Variants in EPHB1 observed in about 807,000 individuals in gnomAD.
EPHB1 encodes EPH receptor B1, also known as ephrin type-B receptor 1.
EPHB1 carries 30 observed loss-of-function variants against 94.4 expected under a neutral mutation model. The ratio of observed to expected loss-of-function variants is 0.32; its 90% CI spans 0.24 to 0.43. The LOEUF (loss-of-function observed/expected upper bound fraction) is 0.43, where lower values mean the gene tolerates loss of function less well. Ranked by LOEUF, EPHB1 falls within the 20% of genes least tolerant of loss-of-function variation. The pLI is 1.00. For missense variants in EPHB1, 1,055 were observed against 1,308.3 expected (o/e 0.81, Z 2.99); for synonymous variants, 522 against 489.1 (o/e 1.07, Z -0.89).
chr3:134,856,734 T>C lies in EPHB1; in HGVS notation c.58+61045T>C, dbSNP rs537262956. ...AGAAATGTCTTGACAATTTTTAGTC[T>C]AATTATATCTTTAAGTGGTAACACT... On this transcript the variant is annotated intron_variant, in intron 1 of 15. Transcript: ENST00000398015. Among the ~76,000 whole-genome samples the C allele has an allele frequency of 1.8e-4, 27 of 152,386 alleles. 1 individual carries two copies. The South Asian group carries it at 5.0e-3, about 28-fold the overall frequency.
At chr3:135,254,104 A>C (rs1412345248) in intron 15 of EPHB1, among the ~76,000 whole-genome samples, 4 of 103,066 alleles carry the variant, frequency 3.9e-5, no homozygotes, top group Admixed American at 1.1e-4. Context: ...CAGCTTAAGG[A>C]GATTTTGGGC....
intron 1 of EPHB1, among the ~76,000 whole-genome samples, chr3:134,869,702 T>C (rs1409417054): frequency 6.6e-6 from 1 of 152,072 alleles, no homozygotes; most frequent in African/African-American, 2.4e-5. Context: ...ACATTTTGTT[T>C]CTGATCTTTT....
intron 3 of EPHB1, among the ~76,000 whole-genome samples, chr3:135,026,237 T>C (rs948782033): frequency 7.4e-6 from 1 of 134,674 alleles, no homozygotes; most frequent in African/African-American, 2.7e-5. Context: ...ATTTGTCAAT[T>C]TTGTCTTTTG....
chr3:135,030,706 A>T (rs1306374374), intron 3 of EPHB1, among the ~76,000 whole-genome samples: 1 of 152,210 alleles, frequency 6.6e-6, no homozygotes, highest in Non-Finnish European at 1.5e-5. Context: ...CCAGAGGTGG[A>T]GCCTACAGAG....
chr3:135,041,161 G>A (rs1349321000), intron 3 of EPHB1, among the ~76,000 whole-genome samples: 3 of 152,144 alleles, frequency 2.0e-5, no homozygotes, highest in African/African-American at 7.2e-5. Context: ...AGTGGTGGGC[G>A]TGCTAGCCAA....
intron 3 of EPHB1, among the ~76,000 whole-genome samples, chr3:135,043,059 C>G (rs1363194716): frequency 6.6e-6 from 1 of 151,878 alleles, no homozygotes; most frequent in Non-Finnish European, 1.5e-5. Context: ...TATGGCTAGT[C>G]TTGAACTCCT....
chr3:135,154,566 G>A (rs1941294705), intron 6 of EPHB1, among the ~76,000 whole-genome samples: 1 of 152,186 alleles, frequency 6.6e-6, no homozygotes, highest in Admixed American at 6.5e-5. Flanking sequence ...TCACATGTTT[G>A]ATATACTAAT....
At chr3:135,137,480 A>C (rs1224858956) in intron 5 of EPHB1, among the ~76,000 whole-genome samples, 1 of 152,194 alleles carries the variant, frequency 6.6e-6, no homozygotes. Flanking sequence ...CCCAAGTCTT[A>C]CTGCCAAGCA....
At chr3:135,033,861 T>A (rs1460175975) in intron 3 of EPHB1, among the ~76,000 whole-genome samples, 1 of 152,200 alleles carries the variant, frequency 6.6e-6, no homozygotes, top group Non-Finnish European at 1.5e-5. Flanking sequence ...GAAAGCTGAA[T>A]AATGTGTCAC....
intron 1 of EPHB1, among the ~76,000 whole-genome samples, chr3:134,891,544 G>T (rs974921121): frequency 7.9e-5 from 12 of 152,092 alleles, no homozygotes; most frequent in African/African-American, 2.9e-4. Flanking sequence ...ATCAAGAATG[G>T]GTGTTAAATA....
chr3:135,229,233 T>C (rs1391275328), intron 12 of EPHB1, among the ~76,000 whole-genome samples: 1 of 152,174 alleles, frequency 6.6e-6, no homozygotes, highest in Non-Finnish European at 1.5e-5. Context: ...CAGCATTAGC[T>C]AACAGCTCCT....
intron 5 of EPHB1, among the ~76,000 whole-genome samples, chr3:135,143,981 C>G (rs1427114367): frequency 6.6e-6 from 1 of 152,202 alleles, no homozygotes; most frequent in Non-Finnish European, 1.5e-5. Flanking sequence ...GGGCTCTGCA[C>G]ACTTCCACCA....
intron 12 of EPHB1, among the ~76,000 whole-genome samples, chr3:135,210,660 T>G (rs1384589721): frequency 6.6e-6 from 1 of 152,134 alleles, no homozygotes; most frequent in Non-Finnish European, 1.5e-5. Context: ...CCCAGAGTGG[T>G]CAAGTGAGTT....
rs566148984 is a variant in EPHB1, at chr3:135,137,104, A to G, written c.1297+4055A>G. ...TGTCAAAGTTGGAAAAGAAGACCTC[A>G]GAGGAAATCTTGGGGGTATAAAAGA... On this transcript the variant is annotated intron_variant, in intron 5 of 15. Coordinates refer to ENST00000398015, the MANE Select transcript of EPHB1 (RefSeq NM_004441.5). Among the ~76,000 whole-genome samples, 3 of 152,350 alleles carry G rather than the reference A, an allele frequency of 2.0e-5. No homozygotes were observed. The South Asian group carries it at 6.2e-4, about 32-fold the overall frequency.
At chr3:135,136,859 A>G (rs1940638205) in intron 5 of EPHB1, among the ~76,000 whole-genome samples, 1 of 152,158 alleles carries the variant, frequency 6.6e-6, no homozygotes, top group South Asian at 2.1e-4. Flanking sequence ...CCTTGCACTG[A>G]ATACAGCTGC....
At chr3:135,124,574 T>C (rs1324657242) in intron 4 of EPHB1, among the ~76,000 whole-genome samples, 4 of 151,764 alleles carry the variant, frequency 2.6e-5, no homozygotes, top group Non-Finnish European at 5.9e-5. Flanking sequence ...AACACTCCTA[T>C]GGGTTGCTGT....
chr3:135,255,048 G>T (rs1038087087), intron 15 of EPHB1, among the ~76,000 whole-genome samples: 28 of 152,144 alleles, frequency 1.8e-4, no homozygotes, highest in Middle Eastern at 3.4e-3. Flanking sequence ...TATTTCTGTG[G>T]GATCGGTGGT....
At chr3:135,097,186 T>C (rs1403282853) in intron 3 of EPHB1, among the ~76,000 whole-genome samples, 3 of 149,082 alleles carry the variant, frequency 2.0e-5, no homozygotes, top group Non-Finnish European at 4.5e-5. Context: ...TTTTTTTTTT[T>C]TGAGGGGCAA....
chr3:135,147,329 T>C (rs1234261667), intron 5 of EPHB1, among the ~76,000 whole-genome samples: 4 of 152,238 alleles, frequency 2.6e-5, no homozygotes, highest in Non-Finnish European at 5.9e-5. Flanking sequence ...GATCCAGCAG[T>C]TCCAATCCTA....
Sources: allele counts gnomAD v4.1 joint callset (sites outside exome capture counted in the v4.1 genomes callset), GRCh38; gene constraint gnomAD v4.1.1; transcripts MANE v1.5; gene names NCBI Gene and HGNC (gene_info 2026-07-23, HGNC 2026-07-21).